HYAL4: variants seen among roughly 807,000 people sequenced by gnomAD.
The protein encoded by HYAL4 is hyaluronidase 4, also known as hyaluronidase-4.
Under a neutral mutation model 35.2 loss-of-function variants are expected in HYAL4, and 37 were observed. The observed-to-expected ratio is 1.05, with a 90% CI of 0.81 to 1.38. HYAL4 has a LOEUF of 1.38. Among genes scored for constraint, HYAL4 ranks in the 40% most tolerant of loss-of-function variants. The pLI, the probability that HYAL4 is intolerant of heterozygous loss-of-function variation, is 0.00. For missense variants in HYAL4, 572 were observed against 572.4 expected (o/e 1.00, Z 0.01); for synonymous variants, 198 against 203.2 (o/e 0.97, Z 0.22).
At chr7:123,838,148 A>G (rs1805996831) in intron 1 of HYAL4, among the ~76,000 whole-genome samples, 1 of 151,598 alleles carries the variant, frequency 6.6e-6, no homozygotes, top group Non-Finnish European at 1.5e-5. Flanking sequence ...GTGTAAAAGC[A>G]TTCCTATTTC....
chr7:123,796,287 C>A, the HYAL4 span, among the ~76,000 whole-genome samples: 5 of 152,118 alleles, frequency 3.3e-5, no homozygotes, highest in African/African-American at 1.2e-4. Flanking sequence ...TGAGACAATT[C>A]CTTCTGTCAC....
chr7:123,876,860 A>C lies in HYAL4; in HGVS notation c.1151A>C (p.Asn384Thr), dbSNP rs199541453. ...EVCSLHLCRN[N>T]GRCIRKMWNA... ...TGCAGCCTTCACCTCTGCAGGAACAATGGCAGGTGCATAAGGAAGATGTGG... is the reference window on the plus strand; with the variant it reads ...TGCAGCCTTCACCTCTGCAGGAACACTGGCAGGTGCATAAGGAAGATGTGG... Residue 384 changes from asparagine to threonine, a missense_variant, in exon 5 of 5, where the codon AAT (asparagine) becomes ACT (threonine). By Grantham distance (65) the Asn-to-Thr change is moderately conservative. Transcript: ENST00000223026. 6.2e-7 allele frequency: 1 copy of C among 1,614,200 alleles called. No individual in the cohort carries two copies. The highest frequency in any genetic ancestry group is 8.5e-7 in the Non-Finnish European group (1 of 1,180,026).
At chr7:123,876,326 C>T (rs1045165892) in intron 4 of HYAL4, among the ~76,000 whole-genome samples, 4 of 152,228 alleles carry the variant, frequency 2.6e-5, no homozygotes, top group Non-Finnish European at 5.9e-5. Flanking sequence ...GAAGGCCCCA[C>T]ATACCTGAAT....
the HYAL4 span, among the ~76,000 whole-genome samples, chr7:123,782,692 T>C: frequency 2.6e-5 from 4 of 151,398 alleles, no homozygotes; most frequent in East Asian, 7.8e-4. Flanking sequence ...AAGATCCTCA[T>C]TGATGGTAGG....
chr7:123,849,751 C>T (rs1806260097), intron 2 of HYAL4, among the ~76,000 whole-genome samples: 1 of 152,034 alleles, frequency 6.6e-6, no homozygotes, highest in East Asian at 1.9e-4. Context: ...CCTGTAGTCC[C>T]AGCTACTCAG....
At chr7:123,853,057 G>T (rs1806348247) in intron 2 of HYAL4, among the ~76,000 whole-genome samples, 1 of 152,128 alleles carries the variant, frequency 6.6e-6, no homozygotes, top group Non-Finnish European at 1.5e-5. Context: ...TGGTGTATAG[G>T]AATGCTTGTG....
chr7:123,849,432 C>A (rs1363917451), intron 2 of HYAL4, among the ~76,000 whole-genome samples: 1 of 151,836 alleles, frequency 6.6e-6, no homozygotes, highest in Admixed American at 6.6e-5. Flanking sequence ...TCCTAAGTAG[C>A]TGGGATTACA....
upstream of HYAL4, among the ~76,000 whole-genome samples, chr7:123,843,808 C>G (rs1806117277): frequency 6.6e-6 from 1 of 151,850 alleles, no homozygotes; most frequent in Non-Finnish European, 1.5e-5. Flanking sequence ...TCTTGTGCAT[C>G]CGTCATGAAG....
At chr7:123,764,237 T>A in the HYAL4 span, among the ~76,000 whole-genome samples, 1 of 152,196 alleles carries the variant, frequency 6.6e-6, no homozygotes, top group African/African-American at 2.4e-5. Context: ...AGCCTCCCAG[T>A]GCTGGGATTT....
chr7:123,869,194 G>A lies in HYAL4; in HGVS notation c.921G>A (p.Gly307=). The change falls in exon 3 of 5, where the codon GGG becomes GGA. Residue 307 remains glycine (G), a synonymous_variant. Transcript: ENST00000223026. ...ALPVFVYTRL[G]YRDEPLFFLS... ...CTGTATTTGTCTACACAAGGCTAGG[G>A]TACAGAGATGAACCTTTATTTTTCC... The A allele has an allele frequency of 6.2e-7, 1 of 1,611,286 alleles. No homozygotes were observed. Among genetic ancestry groups the A allele is most frequent in the Non-Finnish European group, 8.5e-7 (1 of 1,178,694 alleles).
chr7:123,772,068 A>G, the HYAL4 span, among the ~76,000 whole-genome samples: 4 of 152,030 alleles, frequency 2.6e-5, no homozygotes, highest in African/African-American at 9.7e-5. Context: ...TTGAACTCAG[A>G]CTGACTGACA....
chr7:123,829,661 C>T (rs953043457), intron 1 of HYAL4, among the ~76,000 whole-genome samples: 9 of 152,010 alleles, frequency 5.9e-5, no homozygotes, highest in Non-Finnish European at 1.3e-4. Flanking sequence ...ATAGCAAGAT[C>T]CCATCTCTAC....
chr7:123,801,103 G>A, the HYAL4 span, among the ~76,000 whole-genome samples: 7 of 152,046 alleles, frequency 4.6e-5, no homozygotes, highest in South Asian at 2.1e-4. Context: ...TTGCTTGAGC[G>A]CAGGAGTTCG....
chr7:123,804,970 A>C, the HYAL4 span, among the ~76,000 whole-genome samples: 1 of 152,190 alleles, frequency 6.6e-6, no homozygotes, highest in African/African-American at 2.4e-5. Context: ...GGGTCTCCTA[A>C]GCAGGATCTC....
intron 1 of HYAL4, among the ~76,000 whole-genome samples, chr7:123,832,806 T>C (rs1584908009): frequency 1.3e-5 from 2 of 152,112 alleles, no homozygotes; most frequent in East Asian, 3.9e-4. Context: ...TCTTATACCT[T>C]TGCATACTCA....
chr7:123,819,327 CCT>C, the HYAL4 span: 1 of 152,560 alleles, frequency 6.6e-6, no homozygotes, highest in Non-Finnish European at 1.5e-5. Flanking sequence ...ACTCCTGATA[CCT>C]CTCTTTTCTA....
intron 3 of HYAL4, among the ~76,000 whole-genome samples, chr7:123,872,955 G>A (rs1266916519): frequency 6.6e-6 from 1 of 152,202 alleles, no homozygotes; most frequent in African/African-American, 2.4e-5. Context: ...AATATAAAAT[G>A]TAAATGTTAT....
At position 123,868,996 on chromosome 7, in the gene HYAL4, A is replaced by T. The variant is rs755430183; in HGVS notation, c.723A>T (p.Glu241Asp). ...ACTCTGGGTCATGCCCAGAAGACGAAGTCTTGAGGAACAATGAGCTCTCTT... is the reference window on the plus strand; with the variant it reads ...ACTCTGGGTCATGCCCAGAAGACGATGTCTTGAGGAACAATGAGCTCTCTT... ...PNYSGSCPED[E>D]VLRNNELSWL... The change falls in exon 3 of 5, where the codon GAA (glutamate) becomes GAT (aspartate). Residue 241 changes from glutamate (E) to aspartate (D), a missense_variant. Transcript: ENST00000223026. 1 of 1,613,798 alleles carries T rather than the reference A, an allele frequency of 6.2e-7. No homozygotes were observed. The highest frequency in any genetic ancestry group is 1.1e-5 in the South Asian group (1 of 91,054).
the HYAL4 span, among the ~76,000 whole-genome samples, chr7:123,781,573 C>T: frequency 6.6e-6 from 1 of 151,710 alleles, no homozygotes; most frequent in African/African-American, 2.4e-5. Flanking sequence ...CGAGAAACAC[C>T]CACAGGTGTG....
Sources: allele counts gnomAD v4.1 joint callset (sites outside exome capture counted in the v4.1 genomes callset), GRCh38; gene constraint gnomAD v4.1.1; transcripts MANE v1.5; gene names NCBI Gene and HGNC (gene_info 2026-07-23, HGNC 2026-07-21).